AFDN: variants seen among roughly 807,000 people sequenced by gnomAD.
AFDN encodes the protein afadin, adherens junction formation factor, also known as afadin.
In AFDN, 68 loss-of-function variants were observed where a neutral mutation model predicts 216.6. The observed-to-expected ratio is 0.31, with a 90% CI of 0.26 to 0.38. AFDN has a LOEUF of 0.38. Ranked by LOEUF, AFDN falls within the 10% of genes least tolerant of loss-of-function variation. AFDN has a pLI of 1.00. For missense variants in AFDN, 2,136 were observed against 2,342.0 expected (o/e 0.91, Z 1.82); for synonymous variants, 868 against 853.7 (o/e 1.02, Z -0.29).
chr6:167,950,479 A>G (rs900107407), intron 29 of AFDN, among the ~76,000 whole-genome samples: 10 of 152,102 alleles, frequency 6.6e-5, no homozygotes, highest in Admixed American at 2.6e-4. Context: ...TTTGTGTTCA[A>G]CACATTTGTA....
At chr6:167,827,327 A>T in intron 1 of AFDN, 90 bp downstream of exon 1, 1 of 271,876 alleles carries the variant, frequency 3.7e-6, no homozygotes, top group Non-Finnish European at 4.5e-6. Flanking sequence ...CCAGCCGCGG[A>T]CCCGCCCTCC....
intron 9 of AFDN, among the ~76,000 whole-genome samples, chr6:167,896,114 C>A (rs1452723803): frequency 3.9e-5 from 6 of 152,008 alleles, no homozygotes; most frequent in Admixed American, 1.3e-4. Flanking sequence ...TGTATTGGGA[C>A]TAGAGGGCTT....
intron 10 of AFDN, among the ~76,000 whole-genome samples, chr6:167,897,224 C>T (rs1788372810): frequency 6.6e-6 from 1 of 152,180 alleles, no homozygotes; most frequent in Non-Finnish European, 1.5e-5. Flanking sequence ...TTCCTTTTCT[C>T]TAAAAGATGG....
At chr6:167,898,576 A>G in intron 11 of AFDN, 109 bp downstream of exon 11, 2 of 1,251,828 alleles carry the variant, frequency 1.6e-6, no homozygotes, top group South Asian at 1.7e-5. Context: ...TTAAAAAAAT[A>G]TCAAAGTGAA....
At position 167,966,005 on chromosome 6, in the gene AFDN, A is replaced by G. The variant is rs761066338; in HGVS notation, c.5217A>G (p.Ala1739=). The G allele has an allele frequency of 3.2e-6, 5 of 1,550,144 alleles. No homozygotes were observed. The South Asian group carries it at 4.8e-5, about 15-fold the overall frequency. ...PDSLFTAKFV[A]YNEEEEEEDC... ...CGCTGTTCACTGCCAAGTTTGTTGCATACAATGAGGAGGAGGAGGAGGAGG... is the reference window on the plus strand; with the variant it reads ...CGCTGTTCACTGCCAAGTTTGTTGCGTACAATGAGGAGGAGGAGGAGGAGG... Residue 1739 remains alanine, a synonymous_variant, in exon 32 of 34, where the codon GCA becomes GCG. Transcript: ENST00000683244.
chr6:167,875,753 CA>C (rs1054895662), intron 5 of AFDN, among the ~76,000 whole-genome samples: 41 of 151,554 alleles, frequency 2.7e-4, no homozygotes, highest in African/African-American at 9.9e-4. Context: ...CAAGTATATA[CA>C]AAAAAAGAGA....
intron 23 of AFDN, among the ~76,000 whole-genome samples, chr6:167,937,434 G>A (rs1794147386): frequency 6.6e-6 from 1 of 152,082 alleles, no homozygotes; most frequent in African/African-American, 2.4e-5. Context: ...TTTTTGTAGA[G>A]ACAGGATCTC....
At chr6:167,833,583 G>T (rs1389769195) in intron 1 of AFDN, among the ~76,000 whole-genome samples, 2 of 152,196 alleles carry the variant, frequency 1.3e-5, no homozygotes, top group East Asian at 3.9e-4. Context: ...TGCTCATAGT[G>T]GTACTTTCCA....
chr6:167,861,440 G>C (rs1203407531), intron 1 of AFDN, among the ~76,000 whole-genome samples: 2 of 152,298 alleles, frequency 1.3e-5, no homozygotes, highest in South Asian at 2.1e-4. Flanking sequence ...GCTACTGCCT[G>C]ATGAGGACAC....
At chr6:167,908,227 A>T (rs1436317918) in intron 13 of AFDN, among the ~76,000 whole-genome samples, 3 of 152,230 alleles carry the variant, frequency 2.0e-5, no homozygotes, top group African/African-American at 7.2e-5. Flanking sequence ...GTTCAGTTGC[A>T]GGTGACGAAG....
rs1223711971 is a variant in AFDN, at chr6:167,889,234, C to G, written c.917C>G (p.Ala306Gly). ...CIARVMLPPG[A>G]QHSDEKGAKE... Reference sequence around the variant, plus strand: ...TTTTAGGTTATGCTTCCTCCTGGAGCCCAGCATTCTGATGAAAAGGGTGCT... The same window carrying G: ...TTTTAGGTTATGCTTCCTCCTGGAGGCCAGCATTCTGATGAAAAGGGTGCT... Residue 306 changes from alanine to glycine, a missense_variant, in exon 7 of 34, where the codon GCC becomes GGC. By Grantham distance (60) the Ala-to-Gly change is moderately conservative. Transcript: ENST00000683244. The G allele has an allele frequency of 3.7e-6, 6 of 1,613,338 alleles. No homozygotes were observed. Among genetic ancestry groups the G allele is most frequent in the Admixed American group, 3.3e-5 (2 of 59,954 alleles).
rs34069250 is a variant in AFDN at position 167,874,610 on chromosome 6, ATTTTTT to A, written c.579-708_579-703del. Among the ~76,000 whole-genome samples, 171 of 113,260 alleles carry A rather than the reference ATTTTTT, an allele frequency of 1.5e-3. 1 individual carries two copies. The highest frequency in any genetic ancestry group is 5.3e-3 in the African/African-American group (163 of 30,470). 74.3% of individuals were successfully genotyped at this position (113,260 alleles called of 152,430 possible). A position where few individuals can be genotyped will look rare whatever the true frequency, so the allele number is the denominator to read the frequency against. ...TTTGGGCTTTTCAAAATTTGCTATA[ATTTTTT>A]TTTTTTTTTTTTTTTTGAGATGAAG... On this transcript the variant is annotated intron_variant, in intron 4 of 33. Coordinates refer to ENST00000683244, the MANE Select transcript of AFDN (RefSeq NM_001386888.1).
intron 30 of AFDN, among the ~76,000 whole-genome samples, chr6:167,953,181 CT>C (rs1796179420): frequency 1.3e-5 from 2 of 151,900 alleles, no homozygotes; most frequent in Non-Finnish European, 2.9e-5. Context: ...GAGCCATGTT[CT>C]TTTTATCTTT....
chr6:167,929,657 G>A (rs1793036575), intron 23 of AFDN, among the ~76,000 whole-genome samples: 1 of 152,192 alleles, frequency 6.6e-6, no homozygotes, highest in South Asian at 2.1e-4. Flanking sequence ...ACTCTCCCAT[G>A]CATGGCTTTG....
At chr6:167,969,053 C>T (rs1357538682) in intron 32 of AFDN, 61 bp from the exon 33 acceptor site, 1 of 1,330,320 alleles carries the variant, frequency 7.5e-7, no homozygotes, top group African/African-American at 1.4e-5. Context: ...GCATCTTTAT[C>T]ATGAGTAAAG....
At chr6:167,892,165 T>C (rs1446629875) in intron 8 of AFDN, among the ~76,000 whole-genome samples, 2 of 152,176 alleles carry the variant, frequency 1.3e-5, no homozygotes, top group Non-Finnish European at 2.9e-5. Flanking sequence ...GTAGTAGCTT[T>C]TATACCTAAT....
chr6:167,919,647 C>G (rs1379593186), intron 21 of AFDN, among the ~76,000 whole-genome samples: 1 of 152,222 alleles, frequency 6.6e-6, no homozygotes, highest in African/African-American at 2.4e-5. Flanking sequence ...CTGAAAGGTT[C>G]GAATACAACT....
At chr6:167,917,324 C>T (rs779503978) in intron 20 of AFDN, 92 bp downstream of exon 20, 163 of 1,253,568 alleles carry the variant, frequency 1.3e-4, no homozygotes, top group East Asian at 3.2e-4. Context: ...CTATTTAATA[C>T]GTTAACTTAT....
chr6:167,893,555 A>G (rs148850594), intron 8 of AFDN: 3,203 of 303,370 alleles, frequency 0.011, 35 homozygotes, highest in Non-Finnish European at 0.012. Context: ...AAATCAGCCC[A>G]GTGGGGTGGT....
Sources: gnomAD v4.1 joint callset for allele counts (sites outside exome capture counted in the v4.1 genomes callset) on GRCh38, gnomAD v4.1.1 for gene constraint, MANE v1.5 for transcripts, NCBI Gene and HGNC (gene_info 2026-07-23, HGNC 2026-07-21) for gene names.